The following IRF2 variants were observed in gnomAD, a reference collection of about 807,000 sequenced individuals.
IRF2 encodes interferon regulatory factor 2.
In IRF2, 15 loss-of-function variants were observed where a neutral mutation model predicts 40.6. That is an observed-to-expected ratio of 0.37 (90% CI 0.25 to 0.57). The LOEUF is 0.57. Ranked by LOEUF, IRF2 falls within the 20% of genes least tolerant of loss-of-function variation. The pLI is 0.77. For missense variants in IRF2, 317 were observed against 455.7 expected (o/e 0.70, Z 2.77); for synonymous variants, 151 against 165.5 (o/e 0.91, Z 0.67).
At chr4:184,469,904 T>C (rs1483107865) in intron 1 of IRF2, among the ~76,000 whole-genome samples, 1 of 152,120 alleles carries the variant, frequency 6.6e-6, no homozygotes, top group Non-Finnish European at 1.5e-5. Context: ...GTGTTTTCCT[T>C]GGTACTCTAT....
chr4:184,403,079 C>T (rs1011589082), intron 6 of IRF2, among the ~76,000 whole-genome samples: 2 of 152,132 alleles, frequency 1.3e-5, no homozygotes, highest in Non-Finnish European at 2.9e-5. Context: ...TCTCTCAGGC[C>T]AAATTCCCCC....
intron 5 of IRF2, among the ~76,000 whole-genome samples, chr4:184,409,551 T>G (rs1213667476): frequency 6.6e-6 from 1 of 152,074 alleles, no homozygotes; most frequent in Non-Finnish European, 1.5e-5. Flanking sequence ...TACTCCTTTC[T>G]CCCCCAGCAT....
chr4:184,420,155 A>C (rs1472349575), intron 2 of IRF2, among the ~76,000 whole-genome samples: 1 of 152,218 alleles, frequency 6.6e-6, no homozygotes, highest in Non-Finnish European at 1.5e-5. Context: ...GGTGTGAGCC[A>C]CCACACCCGG....
intron 5 of IRF2, among the ~76,000 whole-genome samples, chr4:184,415,239 T>C (rs793772): frequency 0.024 from 3,645 of 152,336 alleles, 156 homozygotes; most frequent in African/African-American, 0.081. Context: ...TGCCTTCCGC[T>C]GAAGGAATCA....
rs532557879 is a variant in IRF2, at chr4:184,387,744, T to A, written c.*1014A>T. The A allele has an allele frequency of 3.3e-5, 5 of 152,574 alleles. No individual in the cohort carries two copies. The highest frequency in any genetic ancestry group is 4.8e-5 in the African/African-American group (2 of 41,432). 9.5% of individuals were successfully genotyped at this position (152,574 alleles called of 1,614,324 possible). The stretch of plus-strand genomic sequence containing the variant: ...CCCTTAAAAATTTAACTATATATCA[T>A]ATTCATTTATTATCAATCCACAGGA... On this transcript the variant is annotated 3_prime_UTR_variant, in exon 9 of 9. Coordinates refer to ENST00000393593, the MANE Select transcript of IRF2 (RefSeq NM_002199.4).
chr4:184,416,328 C>CAAAAAAAAAAAAAAAAAAAA (rs35274774), intron 5 of IRF2, among the ~76,000 whole-genome samples: 1 of 100,172 alleles, frequency 1.0e-5, no homozygotes, highest in African/African-American at 3.9e-5. Flanking sequence ...AAAAAAAAAA[C>CAAAAAAAAAAAAAAAAAAAA]AAAAAAAAAA....
rs1253038284 is a variant in IRF2 at position 184,423,210 on chromosome 4, C to T, written c.88-3642G>A. On this transcript the variant is annotated intron_variant, in intron 2 of 8. Coordinates refer to ENST00000393593, the MANE Select transcript of IRF2 (RefSeq NM_002199.4). ...GTCAGTATGTGCCAGGTGTCTCATCCCCGAGTGACCAGTCCTGCACACGTG... is the reference window on the plus strand; with the variant it reads ...GTCAGTATGTGCCAGGTGTCTCATCTCCGAGTGACCAGTCCTGCACACGTG... 2.0e-5 allele frequency among the ~76,000 whole-genome samples: 3 copies of T among 152,232 alleles called. No homozygotes were observed. In the South Asian group the frequency reaches 6.2e-4, roughly 32 times the overall value.
At chr4:184,445,191 G>C (rs1040941512) in intron 1 of IRF2, among the ~76,000 whole-genome samples, 4 of 152,190 alleles carry the variant, frequency 2.6e-5, no homozygotes, top group Non-Finnish European at 5.9e-5. Flanking sequence ...TGGGCCTCTG[G>C]GGGGCGGGGG....
At chr4:184,467,065 A>G in intron 1 of IRF2, among the ~76,000 whole-genome samples, 1 of 152,212 alleles carries the variant, frequency 6.6e-6, no homozygotes, top group East Asian at 1.9e-4. Flanking sequence ...AACTACTCAC[A>G]ACTTCATGTT....
chr4:184,429,742 G>A (rs1266247162), intron 1 of IRF2, among the ~76,000 whole-genome samples: 1 of 152,080 alleles, frequency 6.6e-6, no homozygotes, highest in Middle Eastern at 3.2e-3. Context: ...CCGCTGACCT[G>A]ACATCACCCC....
At chr4:184,470,323 A>T (rs957784847) in intron 1 of IRF2, among the ~76,000 whole-genome samples, 3 of 152,204 alleles carry the variant, frequency 2.0e-5, no homozygotes, top group African/African-American at 7.2e-5. Flanking sequence ...ATTTACTTTC[A>T]TGTATGTTGT....
intron 5 of IRF2, among the ~76,000 whole-genome samples, chr4:184,416,839 A>C (rs1437054198): frequency 6.6e-6 from 1 of 152,154 alleles, no homozygotes; most frequent in African/African-American, 2.4e-5. Flanking sequence ...TAAGGTCAGG[A>C]GTTCAAGACC....
intron 7 of IRF2, 85 bp from the exon 8 acceptor site, chr4:184,390,834 CTGAG>C: frequency 7.2e-7 from 1 of 1,396,170 alleles, no homozygotes; most frequent in Non-Finnish European, 1.0e-6. Flanking sequence ...AAAAAGGAGA[CTGAG>C]TAACTAAACG....
chr4:184,434,847 G>A (rs1738021104), intron 1 of IRF2, among the ~76,000 whole-genome samples: 2 of 152,258 alleles, frequency 1.3e-5, no homozygotes, highest in South Asian at 2.1e-4. Context: ...TAAGAGCAAC[G>A]GTTACCATTT....
chr4:184,414,541 A>G (rs1274898373), intron 5 of IRF2, among the ~76,000 whole-genome samples: 1 of 152,204 alleles, frequency 6.6e-6, no homozygotes, highest in Admixed American at 6.5e-5. Context: ...ATAACCAGTT[A>G]CCGCCGCACA....
At chr4:184,415,751 T>C (rs968602577) in intron 5 of IRF2, among the ~76,000 whole-genome samples, 16 of 152,246 alleles carry the variant, frequency 1.1e-4, no homozygotes, top group African/African-American at 3.9e-4. Flanking sequence ...ACTGCGATTA[T>C]GAAATTAAAT....
intron 6 of IRF2, among the ~76,000 whole-genome samples, chr4:184,406,882 A>G (rs1480111774): frequency 6.6e-6 from 1 of 152,248 alleles, no homozygotes; most frequent in Non-Finnish European, 1.5e-5. Flanking sequence ...TCCCGAAAAA[A>G]GAATATCCTA....
chr4:184,452,142 C>T (rs1738734993), intron 1 of IRF2, among the ~76,000 whole-genome samples: 1 of 152,160 alleles, frequency 6.6e-6, no homozygotes, highest in Non-Finnish European at 1.5e-5. Flanking sequence ...CAGGCCAGGC[C>T]CAAGTCCCCC....
chr4:184,447,332 C>T (rs1738548185), intron 1 of IRF2, among the ~76,000 whole-genome samples: 1 of 152,116 alleles, frequency 6.6e-6, no homozygotes, highest in Non-Finnish European at 1.5e-5. Context: ...TGTCATTGAA[C>T]AAAATTGGAA....
Sources: allele counts gnomAD v4.1 joint callset (sites outside exome capture counted in the v4.1 genomes callset), GRCh38; gene constraint gnomAD v4.1.1; transcripts MANE v1.5; gene names NCBI Gene and HGNC (gene_info 2026-07-23, HGNC 2026-07-21).